The following CSMD2 variants were observed in gnomAD, a reference collection of about 807,000 sequenced individuals.
CSMD2 encodes the protein CUB and Sushi multiple domains 2, also known as CUB and sushi domain-containing protein 2.
CSMD2 carries 130 observed loss-of-function variants against 398.5 expected under a neutral mutation model. The observed-to-expected ratio is 0.33, with a 90% CI of 0.28 to 0.38. The LOEUF (loss-of-function observed/expected upper bound fraction) is 0.38. Ranked by LOEUF, CSMD2 falls within the 10% of genes least tolerant of loss-of-function variation. The probability of loss-of-function intolerance (pLI) is 1.00; values close to 1 mark genes in which losing one functional copy is unlikely to be tolerated. For missense variants in CSMD2, 3,829 were observed against 4,764.9 expected (o/e 0.80, Z 5.78); for synonymous variants, 1,828 against 1,908.5 (o/e 0.96, Z 1.10).
intron 3 of CSMD2, among the ~76,000 whole-genome samples, chr1:33,976,172 A>C (rs909855646): frequency 1.3e-5 from 2 of 152,210 alleles, no homozygotes; most frequent in Non-Finnish European, 2.9e-5. Flanking sequence ...GGATGGCTGC[A>C]GGTCTCCATT....
chr1:33,941,261 G>A (rs1211839213), intron 3 of CSMD2, among the ~76,000 whole-genome samples: 1 of 152,194 alleles, frequency 6.6e-6, no homozygotes, highest in Admixed American at 6.5e-5. Flanking sequence ...AATCTCCTCT[G>A]TGGCTGAAGT....
At chr1:33,587,990 C>G (rs1015353377) in intron 44 of CSMD2, among the ~76,000 whole-genome samples, 29 of 152,138 alleles carry the variant, frequency 1.9e-4, no homozygotes, top group African/African-American at 6.8e-4. Flanking sequence ...AAATATAGTA[C>G]ATTATCATTA....
intron 2 of CSMD2, among the ~76,000 whole-genome samples, chr1:34,067,858 GCTCCCACTTA>G (rs1655282950): frequency 6.6e-6 from 1 of 152,212 alleles, no homozygotes; most frequent in African/African-American, 2.4e-5. Flanking sequence ...CTCCCTTCTG[GCTCCCACTTA>G]CAATATGTGA....
At chr1:34,121,145 G>C (rs145916125) in intron 1 of CSMD2, among the ~76,000 whole-genome samples, 1 of 152,188 alleles carries the variant, frequency 6.6e-6, no homozygotes, top group African/African-American at 2.4e-5. Context: ...ATGAATGAGC[G>C]AATGTGGAGG....
intron 2 of CSMD2, among the ~76,000 whole-genome samples, chr1:34,061,102 C>T (rs1337717741): frequency 6.6e-6 from 1 of 152,176 alleles, no homozygotes; most frequent in Non-Finnish European, 1.5e-5. Flanking sequence ...GGACATTGGC[C>T]AATGTCTGAG....
At chr1:33,681,242 T>C (rs528768427) in intron 25 of CSMD2, among the ~76,000 whole-genome samples, 1 of 152,230 alleles carries the variant, frequency 6.6e-6, no homozygotes, top group South Asian at 2.1e-4. Flanking sequence ...TGCTTTTGTT[T>C]ATTATATTTT....
chr1:33,633,549 A>G lies in CSMD2; in HGVS notation c.5087-14T>C. The G allele has an allele frequency of 2.6e-6, 4 of 1,545,070 alleles. No homozygotes were observed. Among genetic ancestry groups the G allele is most frequent in the Non-Finnish European group, 3.5e-6 (4 of 1,140,860 alleles). ...GGCCAAACACCACTGTGGAGGAGAC[A>G]CAGTGTGGGGACTGGGCAGGCACGC... is the stretch of plus-strand genomic sequence containing the variant. On this transcript the variant is annotated splice_polypyrimidine_tract_variant and intron_variant, in intron 31 of 70. Transcript: ENST00000373381. This position sits in a 1 kb window ranked among gnomAD's most constrained non-coding sequence, Gnocchi z 5.0.
chr1:33,923,362 G>A (rs1644016040), intron 4 of CSMD2, among the ~76,000 whole-genome samples: 1 of 152,056 alleles, frequency 6.6e-6, no homozygotes, highest in African/African-American at 2.4e-5. Flanking sequence ...TCTTGCTCTT[G>A]CTCTGGTCAT....
At chr1:33,584,695 A>ATATATATATATTATGAAATAATATATG (rs1553147780) in intron 46 of CSMD2, among the ~76,000 whole-genome samples, 26 of 150,194 alleles carry the variant, frequency 1.7e-4, no homozygotes, top group Admixed American at 1.5e-3. Flanking sequence ...ACATATATGT[A>ATATATATATATTATGAAATAATATATG]TATATATATA....
At chr1:33,783,961 GGGTT>G (rs1270905773) in intron 12 of CSMD2, among the ~76,000 whole-genome samples, 7 of 151,866 alleles carry the variant, frequency 4.6e-5, no homozygotes, top group Non-Finnish European at 8.8e-5. Flanking sequence ...AAAGGTGGGT[GGGTT>G]GAGTCCCCGG....
chr1:33,883,876 A>G (rs535579601), intron 5 of CSMD2, among the ~76,000 whole-genome samples: 5 of 152,342 alleles, frequency 3.3e-5, no homozygotes, highest in African/African-American at 1.2e-4. Context: ...GCTCTTCAAT[A>G]TAACTTAGAA....
chr1:33,515,545 C>A lies in CSMD2; in HGVS notation c.*1079G>T, dbSNP rs1269147240. 1.3e-5 allele frequency: 2 copies of A among 152,226 alleles called. No homozygotes were observed. Among genetic ancestry groups the A allele is most frequent in the Non-Finnish European group, 2.9e-5 (2 of 68,042 alleles). 9.4% of individuals were successfully genotyped at this position (152,226 alleles called of 1,614,324 possible). ...TCCACACTTCCTAACTCTGTCTTTA[C>A]CTTTGCAGGCTTCTGTTTTCTCATC... On this transcript the variant is annotated 3_prime_UTR_variant, in exon 71 of 71. Transcript: ENST00000373381.
intron 41 of CSMD2, among the ~76,000 whole-genome samples, chr1:33,607,204 T>C (rs1403470211): frequency 1.3e-5 from 2 of 152,250 alleles, no homozygotes; most frequent in South Asian, 2.1e-4. Flanking sequence ...ACATTAAGCA[T>C]GTCGGACCGG....
chr1:33,974,263 A>G (rs1570683048), intron 3 of CSMD2, among the ~76,000 whole-genome samples: 1 of 152,212 alleles, frequency 6.6e-6, no homozygotes, highest in East Asian at 1.9e-4. Context: ...AGCAGCCTGA[A>G]GAACTGTCTG....
intron 1 of CSMD2, among the ~76,000 whole-genome samples, chr1:34,111,151 C>A (rs1412711439): frequency 2.0e-5 from 3 of 152,354 alleles, no homozygotes; most frequent in Admixed American, 2.0e-4. Context: ...AGAACAGTAA[C>A]TGGCACATAG....
At chr1:33,860,719 G>C (rs1018672641) in intron 5 of CSMD2, 1 of 152,210 alleles carries the variant, frequency 6.6e-6, no homozygotes, top group African/African-American at 2.4e-5. Flanking sequence ...GGCAAAGCTA[G>C]AATTTGAACT....
At chr1:34,026,044 C>T (rs1171763443) in intron 3 of CSMD2, among the ~76,000 whole-genome samples, 1 of 152,208 alleles carries the variant, frequency 6.6e-6, no homozygotes, top group Non-Finnish European at 1.5e-5. Flanking sequence ...AATTAGCTGA[C>T]ATTTATCAAG....
intron 2 of CSMD2, among the ~76,000 whole-genome samples, chr1:34,088,641 C>A (rs909178870): frequency 1.3e-5 from 2 of 152,246 alleles, no homozygotes; most frequent in African/African-American, 4.8e-5. Context: ...CAGCCTTCAA[C>A]ACCCATATCT....
chr1:33,902,714 A>T (rs1642836790), intron 5 of CSMD2, among the ~76,000 whole-genome samples: 1 of 152,178 alleles, frequency 6.6e-6, no homozygotes, highest in Non-Finnish European at 1.5e-5. Flanking sequence ...TATCTAGAGA[A>T]GAAAGATAAA....
Sources: allele counts gnomAD v4.1 joint callset (sites outside exome capture counted in the v4.1 genomes callset), GRCh38; gene constraint gnomAD v4.1.1; non-coding constraint Gnocchi (gnomAD v3.1); transcripts MANE v1.5; gene names NCBI Gene and HGNC (gene_info 2026-07-23, HGNC 2026-07-21).